SGPP1: variants seen among roughly 807,000 people sequenced by gnomAD.
The protein encoded by SGPP1 is hSPP1.
A neutral mutation model predicts 33.0 loss-of-function variants in SGPP1; 21 were observed. The ratio of observed to expected loss-of-function variants is 0.64; its 90% CI spans 0.45 to 0.92. The LOEUF is 0.92. SGPP1 is among the 40% of genes least tolerant of loss of function. The pLI, the probability that SGPP1 is intolerant of heterozygous loss-of-function variation, is 0.00. For missense variants in SGPP1, 543 were observed against 589.4 expected (o/e 0.92, Z 0.81); for synonymous variants, 239 against 241.2 (o/e 0.99, Z 0.08).
At chr14:63,720,646 G>C (rs1885751886) in intron 1 of SGPP1, among the ~76,000 whole-genome samples, 2 of 152,076 alleles carry the variant, frequency 1.3e-5, no homozygotes, top group African/African-American at 4.8e-5. Flanking sequence ...TGTAATCCCA[G>C]CTAGTTAGGA....
chr14:63,692,551 T>C (rs577661725), intron 2 of SGPP1, among the ~76,000 whole-genome samples: 27 of 152,096 alleles, frequency 1.8e-4, no homozygotes, highest in Middle Eastern at 3.4e-3. Context: ...CTGGGCTCAA[T>C]TGATCCTCCC....
intron 1 of SGPP1, among the ~76,000 whole-genome samples, 197 bp downstream of exon 1, chr14:63,727,064 C>A (rs954254396): frequency 2.0e-5 from 3 of 152,260 alleles, no homozygotes; most frequent in Admixed American, 6.5e-5. Context: ...AAATAGAATT[C>A]AACGGCTAAG....
At chr14:63,724,083 T>C (rs149478404) in intron 1 of SGPP1, among the ~76,000 whole-genome samples, 5,177 of 152,068 alleles carry the variant, frequency 0.034, 287 homozygotes, top group African/African-American at 0.12. Flanking sequence ...TCTCGCTATA[T>C]TGCCCAGGCT....
intron 2 of SGPP1, among the ~76,000 whole-genome samples, chr14:63,687,067 C>CTCAT (rs1884995217): frequency 6.6e-6 from 1 of 152,250 alleles, no homozygotes; most frequent in Middle Eastern, 3.4e-3. Flanking sequence ...ATTTTCTTTT[C>CTCAT]TCATTCATTC....
At position 63,727,885 on chromosome 14, in the gene SGPP1, C is replaced by A. The variant is rs1469554869; in HGVS notation, c.60G>T (p.Val20=). 4 of 1,527,116 alleles carry A rather than the reference C, an allele frequency of 2.6e-6. No individual in the cohort carries two copies. Among genetic ancestry groups the A allele is most frequent in the African/African-American group, 1.4e-5 (1 of 70,778 alleles). 94.6% of individuals were successfully genotyped at this position (1,527,116 alleles called of 1,614,324 possible). Residue 20 remains valine (V), a synonymous_variant, in exon 1 of 3, where the codon GTG becomes GTT. Coordinates refer to ENST00000247225, the MANE Select transcript of SGPP1 (RefSeq NM_030791.4). The part of the protein sequence containing the change: ...LVGRLQDPQK[V]ARFQRLCGVE... ...CCCCGCACAGCCGCTGGAAACGGGCCACTTTCTGCGGGTCCTGCAGACGGC... is the reference window on the plus strand; with the variant it reads ...CCCCGCACAGCCGCTGGAAACGGGCAACTTTCTGCGGGTCCTGCAGACGGC...
At chr14:63,696,140 T>G (rs928274094) in intron 2 of SGPP1, among the ~76,000 whole-genome samples, 1 of 151,946 alleles carries the variant, frequency 6.6e-6, no homozygotes, top group African/African-American at 2.4e-5. Flanking sequence ...ATACAAAAAT[T>G]ATCAGGGCAT....
At chr14:63,718,733 C>A (rs1163942573) in intron 1 of SGPP1, among the ~76,000 whole-genome samples, 1 of 150,210 alleles carries the variant, frequency 6.7e-6, no homozygotes, top group Non-Finnish European at 1.5e-5. Flanking sequence ...TACTAGGTAC[C>A]CATAGCAATA....
At chr14:63,715,418 CTATTTTATTGTT>C (rs1333408534) in intron 1 of SGPP1, among the ~76,000 whole-genome samples, 1 of 152,048 alleles carries the variant, frequency 6.6e-6, no homozygotes, top group Non-Finnish European at 1.5e-5. Context: ...TTATTATTGT[CTATTTTATTGTT>C]TAAAGTGACT....
At chr14:63,701,553 A>G (rs1418941954) in intron 1 of SGPP1, among the ~76,000 whole-genome samples, 1 of 152,118 alleles carries the variant, frequency 6.6e-6, no homozygotes, top group Non-Finnish European at 1.5e-5. Context: ...CAGGCGAATC[A>G]GTGAGCAAAG....
intron 1 of SGPP1, among the ~76,000 whole-genome samples, chr14:63,706,223 T>C (rs927409853): frequency 6.6e-6 from 1 of 152,222 alleles, no homozygotes; most frequent in East Asian, 1.9e-4. Flanking sequence ...ATATCCAAAA[T>C]AGGTAAACCT....
chr14:63,716,109 A>T (rs1885617532), intron 1 of SGPP1, among the ~76,000 whole-genome samples: 1 of 152,234 alleles, frequency 6.6e-6, no homozygotes, highest in East Asian at 1.9e-4. Flanking sequence ...GCAAGGAATT[A>T]GGAAAATATG....
Position 63,698,615 on chromosome 14 carries a change from G to T in SGPP1, c.728C>A (p.Ser243Tyr). The change falls in exon 2 of 3, where the codon TCT (serine) becomes TAT (tyrosine). Residue 243 changes from serine to tyrosine, a missense_variant. Physicochemically the swap from Ser to Tyr is moderately radical, Grantham distance 144. Coordinates refer to ENST00000247225, the MANE Select transcript of SGPP1 (RefSeq NM_030791.4). Reference protein sequence around the residue: ...YGLILIPCWCSLVCLSRIYMG... With the variant: ...YGLILIPCWCYLVCLSRIYMG... ...GTAAATTCTACTTAGGCAAACTAGAGAACACCAGCAGGGAATAAGAATCAG... is the reference window on the plus strand; with the variant it reads ...GTAAATTCTACTTAGGCAAACTAGATAACACCAGCAGGGAATAAGAATCAG... The T allele has an allele frequency of 1.2e-6, 2 of 1,605,124 alleles. No homozygotes were observed. Among genetic ancestry groups the T allele is most frequent in the South Asian group, 1.1e-5 (1 of 89,646 alleles).
chr14:63,718,999 TATATATATATATATA>T lies in SGPP1; in HGVS notation c.684+8247_684+8261del, dbSNP rs1266784964. Among the ~76,000 whole-genome samples the T allele has an allele frequency of 2.9e-3, 70 of 24,410 alleles. 1 individual carries two copies. Among genetic ancestry groups the T allele is most frequent in the African/African-American group, 7.5e-3 (37 of 4,952 alleles). 16.0% of individuals were successfully genotyped at this position (24,410 alleles called of 152,430 possible). ...ATACATATATATATATATATATATA[TATATATATATATATA>T]TTTTTTTTTTTTTTTTTTTTTTTTT... On this transcript the variant is annotated intron_variant, in intron 1 of 2. Transcript: ENST00000247225.
intron 1 of SGPP1, among the ~76,000 whole-genome samples, chr14:63,700,896 C>T (rs1295331076): frequency 3.3e-5 from 5 of 152,142 alleles, no homozygotes; most frequent in South Asian, 2.1e-4. Context: ...AGATGCATCA[C>T]GAGACGGGCA....
rs1249837951 is a variant in SGPP1, at chr14:63,686,585, G to A, written c.846C>T (p.Asp282=). 1 of 1,613,626 alleles carries A rather than the reference G, an allele frequency of 6.2e-7. No individual in the cohort carries two copies. Among genetic ancestry groups the A allele is most frequent in the African/African-American group, 1.3e-5 (1 of 74,882 alleles). Residue 282 remains aspartate, a synonymous_variant, in exon 3 of 3, where the codon GAC becomes GAT. Coordinates refer to ENST00000247225, the MANE Select transcript of SGPP1 (RefSeq NM_030791.4). ...AVFYPFVDLI[D]NFNQTHKYAP... The stretch of plus-strand genomic sequence containing the variant: ...CATATTTGTGAGTTTGGTTGAAGTT[G>A]TCAATCAGGTCCACAAATGGATAGA...
chr14:63,709,360 G>A (rs1441863551), intron 1 of SGPP1, among the ~76,000 whole-genome samples: 1 of 150,932 alleles, frequency 6.6e-6, no homozygotes, highest in Non-Finnish European at 1.5e-5. Flanking sequence ...GGCAACAAGA[G>A]GGAGTCTCTG....
Position 63,684,730 on chromosome 14 carries a change from C to T in SGPP1, c.*1375G>A, listed in dbSNP as rs1884935818. 1 of 152,336 alleles carries T rather than the reference C, an allele frequency of 6.6e-6. No individual in the cohort carries two copies. The highest frequency in any genetic ancestry group is 6.6e-5 in the Admixed American group (1 of 15,254). 9.4% of individuals were successfully genotyped at this position (152,336 alleles called of 1,614,324 possible). On this transcript the variant is annotated 3_prime_UTR_variant, in exon 3 of 3. Coordinates refer to ENST00000247225, the MANE Select transcript of SGPP1 (RefSeq NM_030791.4). ...CTTTATGAAAAACTTTCTACAAATA[C>T]ACTTACTATTAACGTAAGTACAACC...
intron 1 of SGPP1, among the ~76,000 whole-genome samples, chr14:63,721,286 A>C (rs1885765918): frequency 6.6e-6 from 1 of 152,132 alleles, no homozygotes; most frequent in African/African-American, 2.4e-5. Context: ...TCTCAAAAAA[A>C]ATACAAAATT....
chr14:63,688,240 C>T (rs1392397622), intron 2 of SGPP1, among the ~76,000 whole-genome samples: 1 of 144,866 alleles, frequency 6.9e-6, no homozygotes, highest in African/African-American at 2.6e-5. Context: ...TGCCTGAACC[C>T]GGGAGGCCGA....
Sources: gnomAD v4.1 joint callset for allele counts (sites outside exome capture counted in the v4.1 genomes callset) on GRCh38, gnomAD v4.1.1 for gene constraint, MANE v1.5 for transcripts, NCBI Gene and HGNC (gene_info 2026-07-23, HGNC 2026-07-21) for gene names.